TTC21B: variants seen among roughly 807,000 people sequenced by gnomAD.
TTC21B encodes the protein tetratricopeptide repeat protein 21B.
In TTC21B, 127 loss-of-function variants were observed where a neutral mutation model predicts 175.1. The ratio of observed to expected loss-of-function variants is 0.73; its 90% CI spans 0.63 to 0.84. The LOEUF (loss-of-function observed/expected upper bound fraction) is 0.84. Ranked by LOEUF, TTC21B falls within the 40% of genes least tolerant of loss-of-function variation. TTC21B has a pLI of 0.00. For synonymous variants in TTC21B, 524 were observed against 524.5 expected (o/e 1.00, Z 0.01); for missense variants, 1,561 against 1,558.3 (o/e 1.00, Z -0.03).
intron 6 of TTC21B, among the ~76,000 whole-genome samples, chr2:165,938,561 G>A (rs1687249315): frequency 6.6e-6 from 1 of 152,046 alleles, no homozygotes; most frequent in Non-Finnish European, 1.5e-5. Flanking sequence ...CAACTTACAG[G>A]AAATACAGAG....
chr2:165,937,260 A>G (rs1424231787), intron 6 of TTC21B, among the ~76,000 whole-genome samples: 3 of 152,124 alleles, frequency 2.0e-5, no homozygotes, highest in Non-Finnish European at 4.4e-5. Context: ...CAGTAAAAAG[A>G]GCAGTGGTTG....
chr2:165,936,272 A>C (rs955778300), intron 6 of TTC21B, among the ~76,000 whole-genome samples: 7 of 152,166 alleles, frequency 4.6e-5, no homozygotes, highest in Non-Finnish European at 1.0e-4. Flanking sequence ...GAAAAAATGA[A>C]TATAGATACA....
At position 165,880,686 on chromosome 2, in the gene TTC21B, C is replaced by T. The variant is rs767458935; in HGVS notation, c.3798G>A (p.Pro1266=). The change falls in exon 27 of 29, where the codon CCG becomes CCA. Residue 1266 remains proline, a synonymous_variant. Transcript: ENST00000243344. ...MAWKYSNRTN[P]AVGYKLAFNY... Reference sequence around the variant, plus strand: ...GGTGATTGCCAAACTCACCTACTGCCGGATTTGTCCGATTGCTATATTTCC... The same window carrying T: ...GGTGATTGCCAAACTCACCTACTGCTGGATTTGTCCGATTGCTATATTTCC... 31 of 1,613,490 alleles carry T rather than the reference C, an allele frequency of 1.9e-5. No homozygotes were observed. Among genetic ancestry groups the T allele is most frequent in the South Asian group, 8.8e-5 (8 of 91,072 alleles).
chr2:165,945,612 G>T lies in TTC21B; in HGVS notation c.341C>A (p.Ala114Glu), dbSNP rs1687527477. Reference sequence around the variant, plus strand: ...ACCAATGTGCCATAAAAATAAGCCTGCATGGTATAAGGCTTTCTCTCCAGC... The same window carrying T: ...ACCAATGTGCCATAAAAATAAGCCTTCATGGTATAAGGCTTTCTCTCCAGC... The part of the protein sequence containing the change: ...KGAGEKALYH[A>E]GLFLWHIGRH... The change falls in exon 4 of 29, where the codon GCA (alanine) becomes GAA (glutamate). Residue 114 changes from alanine (A) to glutamate (E), a missense_variant. Coordinates refer to ENST00000243344, the MANE Select transcript of TTC21B (RefSeq NM_024753.5). 6.2e-7 allele frequency: 1 copy of T among 1,613,636 alleles called. No homozygotes were observed. The highest frequency in any genetic ancestry group is 8.5e-7 in the Non-Finnish European group (1 of 1,179,824).
chr2:165,925,504 T>C (rs961116284), intron 11 of TTC21B, among the ~76,000 whole-genome samples: 1 of 152,126 alleles, frequency 6.6e-6, no homozygotes, highest in African/African-American at 2.4e-5. Context: ...CCCTGACACA[T>C]AAAGCTCTTC....
chr2:165,892,684 G>A (rs918366228), intron 22 of TTC21B, among the ~76,000 whole-genome samples: 1 of 152,168 alleles, frequency 6.6e-6, no homozygotes, highest in Non-Finnish European at 1.5e-5. Context: ...AACATAGAAA[G>A]TAGAATGATG....
At chr2:165,953,016 T>C (rs2105373702) in intron 1 of TTC21B, among the ~76,000 whole-genome samples, 1 of 152,348 alleles carries the variant, frequency 6.6e-6, no homozygotes, top group Non-Finnish European at 1.5e-5. Context: ...TTTTGCTCAC[T>C]GCTATCTCCA....
intron 19 of TTC21B, among the ~76,000 whole-genome samples, chr2:165,904,607 G>A (rs1167156964): frequency 6.6e-6 from 1 of 152,184 alleles, no homozygotes. Flanking sequence ...AAAGGGTTAG[G>A]ACTGAGGCAT....
chr2:165,952,983 C>G (rs981593919), intron 1 of TTC21B, among the ~76,000 whole-genome samples: 1 of 152,200 alleles, frequency 6.6e-6, no homozygotes, highest in South Asian at 2.1e-4. Context: ...CCTGTAAAAT[C>G]TGAGAAGGCA....
chr2:165,947,104 TTAAA>T (rs1260951533), intron 3 of TTC21B: 1 of 145,228 alleles, frequency 6.9e-6, no homozygotes, highest in Non-Finnish European at 1.5e-5. Flanking sequence ...GACTGCTCCC[TTAAA>T]TAGATAACTC....
At chr2:165,887,183 G>A (rs1302983966) in intron 25 of TTC21B, among the ~76,000 whole-genome samples, 1 of 152,086 alleles carries the variant, frequency 6.6e-6, no homozygotes, top group African/African-American at 2.4e-5. Flanking sequence ...GTAGTTTATT[G>A]CTGCCACTGT....
intron 7 of TTC21B, among the ~76,000 whole-genome samples, chr2:165,932,497 A>G (rs1326072772): frequency 6.6e-6 from 1 of 152,118 alleles, no homozygotes; most frequent in East Asian, 1.9e-4. Flanking sequence ...ATCTACAGTC[A>G]ATGTGTTCAC....
At chr2:165,949,114 G>A in intron 3 of TTC21B, 2 of 391,542 alleles carry the variant, frequency 5.1e-6, no homozygotes, top group South Asian at 6.0e-5. Flanking sequence ...TCCTTTTTTT[G>A]TGTAACAATT....
At chr2:165,899,932 A>T (rs923992264) in intron 20 of TTC21B, 52 bp from the exon 21 acceptor site, 1 of 1,074,644 alleles carries the variant, frequency 9.3e-7, no homozygotes, top group Non-Finnish European at 1.4e-6. Context: ...TAAAAAGTCA[A>T]TGAGGAAAAT....
intron 21 of TTC21B, 92 bp from the exon 22 acceptor site, chr2:165,898,859 T>C: frequency 5.0e-6 from 4 of 804,302 alleles, no homozygotes; most frequent in Non-Finnish European, 8.6e-6. Flanking sequence ...AAAATATAGA[T>C]GATAAACATG....
At chr2:165,951,986 T>G (rs1687774612) in intron 1 of TTC21B, among the ~76,000 whole-genome samples, 1 of 151,840 alleles carries the variant, frequency 6.6e-6, no homozygotes, top group African/African-American at 2.4e-5. Context: ...TCATTCTCCC[T>G]CCACACACGT....
At chr2:165,886,471 T>C (rs1174767223) in intron 25 of TTC21B, among the ~76,000 whole-genome samples, 1 of 152,206 alleles carries the variant, frequency 6.6e-6, no homozygotes, top group African/African-American at 2.4e-5. Flanking sequence ...ATATTCATTA[T>C]ATTGAATACA....
Position 165,918,555 on chromosome 2 carries a change from A to G in TTC21B, c.1674+721T>C, listed in dbSNP as rs998930713. 7.9e-5 allele frequency among the ~76,000 whole-genome samples: 12 copies of G among 151,982 alleles called. No homozygotes were observed. In the South Asian group the frequency reaches 1.2e-3, roughly 16 times the overall value. On this transcript the variant is annotated intron_variant, in intron 13 of 28. Coordinates refer to ENST00000243344, the MANE Select transcript of TTC21B (RefSeq NM_024753.5). ...TGTGATCTGCCCACCTCGGCCTCCC[A>G]AAGTGCTGGGATTACAGGCGTGAGC... is the stretch of plus-strand genomic sequence containing the variant.
chr2:165,894,057 A>G (rs1399547305), intron 22 of TTC21B, among the ~76,000 whole-genome samples: 1 of 152,176 alleles, frequency 6.6e-6, no homozygotes, highest in African/African-American at 2.4e-5. Flanking sequence ...TGGAGCAGCC[A>G]GAACCTAGAA....
Sources: allele counts gnomAD v4.1 joint callset (sites outside exome capture counted in the v4.1 genomes callset), GRCh38; gene constraint gnomAD v4.1.1; transcripts MANE v1.5; gene names NCBI Gene and HGNC (gene_info 2026-07-23, HGNC 2026-07-21).